Variants in RANBP17 observed in about 807,000 individuals in gnomAD.
The protein encoded by RANBP17 is ran-binding protein 17.
Under a neutral mutation model 141.2 loss-of-function variants are expected in RANBP17, and 158 were observed. The observed-to-expected ratio is 1.12, with a 90% CI of 0.98 to 1.28. The LOEUF is 1.28. RANBP17 is among the 50% of genes most tolerant of loss of function. The pLI, the probability that RANBP17 is intolerant of heterozygous loss-of-function variation, is 0.00. For synonymous variants in RANBP17, 430 were observed against 450.0 expected (o/e 0.96, Z 0.56); for missense variants, 1,438 against 1,290.7 (o/e 1.11, Z -1.75).
At chr5:170,980,046 A>G (rs571377063) in intron 14 of RANBP17, among the ~76,000 whole-genome samples, 1 of 152,114 alleles carries the variant, frequency 6.6e-6, no homozygotes, top group South Asian at 2.1e-4. Flanking sequence ...GATGGAGATG[A>G]GGAACTGGAG....
At chr5:171,023,012 A>C (rs1324664258) in intron 14 of RANBP17, among the ~76,000 whole-genome samples, 1 of 152,146 alleles carries the variant, frequency 6.6e-6, no homozygotes, top group African/African-American at 2.4e-5. Context: ...GCCTCCCTTC[A>C]CTGGTGGGAG....
intron 24 of RANBP17, among the ~76,000 whole-genome samples, chr5:171,246,857 T>C (rs1765243237): frequency 6.6e-6 from 1 of 152,198 alleles, no homozygotes; most frequent in South Asian, 2.1e-4. Context: ...TTCATGTGGA[T>C]ACTTGACTCT....
At chr5:171,284,921 A>C (rs1768065039) in intron 25 of RANBP17, among the ~76,000 whole-genome samples, 1 of 152,138 alleles carries the variant, frequency 6.6e-6, no homozygotes, top group South Asian at 2.1e-4. Flanking sequence ...AATTCTTTGA[A>C]GGCTACCCTT....
At position 171,199,654 on chromosome 5, in the gene RANBP17, T is replaced by C. The variant is rs1238404110; in HGVS notation, c.2039-16T>C. ...ATGCATTTTAAACCGTAGTGACCCT[T>C]TTGTTTCTCTGATAGGTGAAGATGA... On this transcript the variant is annotated splice_polypyrimidine_tract_variant and intron_variant, in intron 18 of 27. Transcript: ENST00000523189. The C allele has an allele frequency of 6.5e-7, 1 of 1,548,938 alleles. No homozygotes were observed. The highest frequency in any genetic ancestry group is 8.9e-7 in the Non-Finnish European group (1 of 1,123,424).
At chr5:170,929,479 AT>A (rs1704303447) in intron 12 of RANBP17, among the ~76,000 whole-genome samples, 1 of 152,118 alleles carries the variant, frequency 6.6e-6, no homozygotes, top group African/African-American at 2.4e-5. Flanking sequence ...ATCTATTCAA[AT>A]GACTTTTTTC....
At chr5:171,077,183 CA>C (rs1199608824) in intron 14 of RANBP17, among the ~76,000 whole-genome samples, 1 of 151,842 alleles carries the variant, frequency 6.6e-6, no homozygotes, top group Non-Finnish European at 1.5e-5. Context: ...ACTAAAACTA[CA>C]AAAAAATTAG....
intron 12 of RANBP17, among the ~76,000 whole-genome samples, chr5:170,940,161 A>G (rs1030478624): frequency 1.3e-5 from 2 of 152,188 alleles, no homozygotes; most frequent in African/African-American, 4.8e-5. Context: ...CAAAACATTA[A>G]AACATGGAAA....
At chr5:170,893,792 CAAA>C (rs774620605) in intron 4 of RANBP17, among the ~76,000 whole-genome samples, 3 of 103,312 alleles carry the variant, frequency 2.9e-5, no homozygotes, top group Non-Finnish European at 4.3e-5. Flanking sequence ...GACTCCGTCT[CAAA>C]AAAAAAAAAA....
At chr5:170,937,174 G>A (rs913471328) in intron 12 of RANBP17, among the ~76,000 whole-genome samples, 1 of 152,146 alleles carries the variant, frequency 6.6e-6, no homozygotes, top group Non-Finnish European at 1.5e-5. Flanking sequence ...CTTAGAATGG[G>A]AGTTTCATAT....
At chr5:170,905,911 T>G (rs994795237) in intron 5 of RANBP17, among the ~76,000 whole-genome samples, 2 of 152,110 alleles carry the variant, frequency 1.3e-5, no homozygotes, top group African/African-American at 4.8e-5. Flanking sequence ...GAAATAAGAC[T>G]AGTTAATGTG....
chr5:171,134,715 G>A (rs1050439925), intron 14 of RANBP17, among the ~76,000 whole-genome samples: 2 of 152,142 alleles, frequency 1.3e-5, no homozygotes, highest in Non-Finnish European at 2.9e-5. Flanking sequence ...GAGCTCAGGA[G>A]TTCAAGACCA....
At chr5:171,095,322 TG>T (rs1786609998) in intron 14 of RANBP17, among the ~76,000 whole-genome samples, 2 of 152,158 alleles carry the variant, frequency 1.3e-5, no homozygotes. Context: ...TTGATGTACT[TG>T]TTGTGACAAC....
rs144858666 is a variant in RANBP17, at chr5:170,929,259, G to A, written c.1468+4709G>A. ...TGCCTTATTCTACTGAGGGCTTCCA[G>A]TACAGTGTTGAATAAAATGTTAAGA... On this transcript the variant is annotated intron_variant, in intron 12 of 27. Transcript: ENST00000523189. Among the ~76,000 whole-genome samples, 619 of 152,118 alleles carry A rather than the reference G, an allele frequency of 4.1e-3. 5 individuals carry two copies. The highest frequency in any genetic ancestry group is 0.014 in the African/African-American group (596 of 41,516).
Position 170,881,851 on chromosome 5 carries a change from G to T in RANBP17, c.211G>T (p.Val71Phe). The change falls in exon 3 of 28, where the codon GTC becomes TTC. Residue 71 changes from valine to phenylalanine, a missense_variant. Transcript: ENST00000523189. ...LLAATCLSKL[V>F]SRVSPLPVEQ... ...TGCAGCAACATGTCTTTCAAAACTT[G>T]TCAGCCGAGTCAGTCCTTTACCTGT... is the stretch of plus-strand genomic sequence containing the variant. 6.2e-7 allele frequency: 1 copy of T among 1,610,174 alleles called. No individual in the cohort carries two copies. The highest frequency in any genetic ancestry group is 1.7e-4 in the Middle Eastern group (1 of 6,040).
rs571592124 is a variant in RANBP17, at chr5:171,186,738, GTTTTAGCCGGGA to G, written c.2038+3310_2038+3321del. Among the ~76,000 whole-genome samples, 576 of 150,794 alleles carry G rather than the reference GTTTTAGCCGGGA, an allele frequency of 3.8e-3. 4 individuals carry two copies. The highest frequency in any genetic ancestry group is 0.013 in the African/African-American group (555 of 41,116). On this transcript the variant is annotated intron_variant, in intron 18 of 27. Coordinates refer to ENST00000523189, the MANE Select transcript of RANBP17 (RefSeq NM_022897.5). Reference sequence around the variant, plus strand: ...TTTTTAGTAGAGACGGGGTTTCACCGTTTTAGCCGGGATGGTCTCGATCTCCTGACCTCGTGA... The same window carrying G: ...TTTTTAGTAGAGACGGGGTTTCACCGTGGTCTCGATCTCCTGACCTCGTGA...
At chr5:171,149,447 C>T (rs1758317341) in intron 14 of RANBP17, among the ~76,000 whole-genome samples, 2 of 152,198 alleles carry the variant, frequency 1.3e-5, no homozygotes, top group Non-Finnish European at 2.9e-5. Flanking sequence ...ACTGTATCAG[C>T]CTCCTTCTAA....
intron 24 of RANBP17, among the ~76,000 whole-genome samples, chr5:171,246,196 A>G (rs923686124): frequency 6.6e-6 from 1 of 152,042 alleles, no homozygotes; most frequent in Non-Finnish European, 1.5e-5. Flanking sequence ...TCATACTTTT[A>G]TAAGTCACTG....
chr5:170,986,385 C>T (rs528975599), intron 14 of RANBP17, among the ~76,000 whole-genome samples: 1 of 151,956 alleles, frequency 6.6e-6, no homozygotes, highest in South Asian at 2.1e-4. Flanking sequence ...ATAAGTGCTC[C>T]AGTAGTGTAA....
At chr5:171,254,550 A>T (rs1343603057) in intron 24 of RANBP17, among the ~76,000 whole-genome samples, 1 of 152,080 alleles carries the variant, frequency 6.6e-6, no homozygotes, top group African/African-American at 2.4e-5. Flanking sequence ...CCTTCCACCC[A>T]CCTTTACAAA....
Sources: gnomAD v4.1 joint callset for allele counts (sites outside exome capture counted in the v4.1 genomes callset) on GRCh38, gnomAD v4.1.1 for gene constraint, MANE v1.5 for transcripts, NCBI Gene and HGNC (gene_info 2026-07-23, HGNC 2026-07-21) for gene names.